Variants in PTPRN2 observed in about 807,000 individuals in gnomAD.
The protein encoded by PTPRN2 is receptor-type tyrosine-protein phosphatase N2.
PTPRN2 carries 74 observed loss-of-function variants against 118.8 expected under a neutral mutation model. The observed-to-expected ratio is 0.62, with a 90% CI of 0.52 to 0.76. The LOEUF (loss-of-function observed/expected upper bound fraction) is 0.76, where lower values mean the gene tolerates loss of function less well. Among genes scored for constraint, PTPRN2 ranks in the 30% least tolerant of loss-of-function variants. The pLI is 0.00. For missense variants in PTPRN2, 1,481 were observed against 1,394.4 expected (o/e 1.06, Z -0.99); for synonymous variants, 641 against 608.0 (o/e 1.05, Z -0.80).
At chr7:157,718,986 C>T (rs1399747686) in intron 12 of PTPRN2, among the ~76,000 whole-genome samples, 1 of 141,784 alleles carries the variant, frequency 7.1e-6, no homozygotes, top group East Asian at 2.1e-4. Flanking sequence ...TCTTGGGCAG[C>T]CATCTTCTGG....
chr7:158,541,784 AGAG>A lies in PTPRN2; in HGVS notation c.112+45771_112+45773del, dbSNP rs145803037. ...GCGGACGCATAAAAGGGGAAGTATC[AGAG>A]GAGAAGGGGCCAAGGCCGCTGGGGA... On this transcript the variant is annotated intron_variant, in intron 1 of 22. Coordinates refer to ENST00000389418, the MANE Select transcript of PTPRN2 (RefSeq NM_002847.5). 1,062 of 979,674 alleles carry A rather than the reference AGAG, an allele frequency of 1.1e-3. 8 individuals carry two copies. The East Asian group carries it at 0.023, about 22-fold the overall frequency. The allele number at this position is 979,674 out of a possible 1,614,324, so 60.7% of individuals were successfully genotyped here. A position where few individuals can be genotyped will look rare whatever the true frequency, so the allele number is the denominator to read the frequency against.
Position 158,587,700 on chromosome 7 carries a change from A to T in PTPRN2, c.-31T>A. Reference sequence around the variant, plus strand: ...CGGCCTGGCCGGCGGCGCTCAGTCCATGGCCGCGCGGGAGGCGGCGGGAGG... The same window carrying T: ...CGGCCTGGCCGGCGGCGCTCAGTCCTTGGCCGCGCGGGAGGCGGCGGGAGG... On this transcript the variant is annotated 5_prime_UTR_variant, in exon 1 of 23. The change abolishes an upstream ATG in the 5' untranslated region. Transcript: ENST00000389418. 2.5e-6 allele frequency: 3 copies of T among 1,179,896 alleles called. No homozygotes were observed. The highest frequency in any genetic ancestry group is 3.1e-6 in the Non-Finnish European group (3 of 955,868). 73.1% of individuals were successfully genotyped at this position (1,179,896 alleles called of 1,614,324 possible). A position where few individuals can be genotyped will look rare whatever the true frequency, so the allele number is the denominator to read the frequency against.
chr7:158,262,634 GCAAA>G lies in PTPRN2; in HGVS notation c.277+54181_277+54184del, dbSNP rs553379640. 1.6e-3 allele frequency among the ~76,000 whole-genome samples: 213 copies of G among 130,794 alleles called. 2 individuals carry two copies. The highest frequency in any genetic ancestry group is 2.9e-3 in the African/African-American group (96 of 33,302). 85.8% of individuals were successfully genotyped at this position (130,794 alleles called of 152,430 possible). On this transcript the variant is annotated intron_variant, in intron 3 of 22. Transcript: ENST00000389418. ...CTGCACACACACATACATTCACACT[GCAAA>G]CATTCACTGCACACACTGACACACT...
At chr7:158,180,749 T>C (rs192142594) in intron 5 of PTPRN2, among the ~76,000 whole-genome samples, 19 of 152,304 alleles carry the variant, frequency 1.2e-4, no homozygotes, top group Non-Finnish European at 1.8e-4. Context: ...AGCTTGGTCA[T>C]TGTTGGTATA....
intron 12 of PTPRN2, among the ~76,000 whole-genome samples, chr7:157,777,850 A>G (rs1372424925): frequency 6.6e-6 from 1 of 152,218 alleles, no homozygotes; most frequent in Non-Finnish European, 1.5e-5. Flanking sequence ...ATCCACCAGA[A>G]TAAGATGTCT....
intron 22 of PTPRN2, among the ~76,000 whole-genome samples, chr7:157,544,118 G>A (rs1051211748): frequency 1.6e-4 from 25 of 151,926 alleles, no homozygotes; most frequent in African/African-American, 5.8e-4. Context: ...GGTGGAGAGA[G>A]ATGGAGAGAG....
intron 2 of PTPRN2, among the ~76,000 whole-genome samples, chr7:158,387,468 G>A (rs966930455): frequency 7.9e-5 from 12 of 152,302 alleles, no homozygotes; most frequent in Non-Finnish European, 1.8e-4. Flanking sequence ...TAAGACGGTA[G>A]CCAAGGGCGC....
At chr7:157,694,512 G>A (rs1230472395) in intron 12 of PTPRN2, among the ~76,000 whole-genome samples, 1 of 152,220 alleles carries the variant, frequency 6.6e-6, no homozygotes, top group African/African-American at 2.4e-5. Flanking sequence ...AAGCCCTAGA[G>A]TCTAGGGGGG....
intron 11 of PTPRN2, among the ~76,000 whole-genome samples, chr7:158,023,303 A>C (rs1039462136): frequency 1.3e-5 from 2 of 152,120 alleles, no homozygotes; most frequent in Non-Finnish European, 2.9e-5. Flanking sequence ...CAGCTCTCTC[A>C]GACCCCAGGT....
At chr7:158,330,306 G>A (rs1436649560) in intron 2 of PTPRN2, among the ~76,000 whole-genome samples, 11 of 57,336 alleles carry the variant, frequency 1.9e-4, no homozygotes, top group African/African-American at 3.2e-4. Context: ...CACCATAAGA[G>A]CTGACACCCG....
At chr7:158,130,946 CTG>C (rs1818178500) in intron 9 of PTPRN2, among the ~76,000 whole-genome samples, 1 of 139,552 alleles carries the variant, frequency 7.2e-6, no homozygotes, top group African/African-American at 2.7e-5. Context: ...TATGCACAAA[CTG>C]ACACATCTAC....
At chr7:158,539,781 G>A in intron 1 of PTPRN2, 2 of 255,596 alleles carry the variant, frequency 7.8e-6, no homozygotes, top group South Asian at 3.5e-5. Context: ...CTGTGAGCCT[G>A]GAGCTGGTGA....
At chr7:157,562,297 C>T (rs1348713712) in intron 21 of PTPRN2, among the ~76,000 whole-genome samples, 1 of 152,124 alleles carries the variant, frequency 6.6e-6, no homozygotes, top group African/African-American at 2.4e-5. Context: ...GAGACCAGCA[C>T]ACGAGGGGTG....
At chr7:157,613,330 C>T (rs1008235985) in intron 15 of PTPRN2, among the ~76,000 whole-genome samples, 19 of 152,264 alleles carry the variant, frequency 1.2e-4, no homozygotes, top group African/African-American at 4.6e-4. Context: ...AGACACAAAA[C>T]CAACAGTTCC....
intron 3 of PTPRN2, among the ~76,000 whole-genome samples, chr7:158,241,961 G>A (rs757629261): frequency 2.6e-5 from 4 of 152,164 alleles, no homozygotes; most frequent in Admixed American, 6.5e-5. Context: ...CAGCACAGTC[G>A]CAAACCGAGG....
chr7:158,532,811 C>T (rs4909237), intron 1 of PTPRN2: 93,417 of 534,420 alleles, frequency 0.17, 9,953 homozygotes, highest in Admixed American at 0.3. Flanking sequence ...TGCAGGCTTC[C>T]GTGCAGGAGC....
intron 12 of PTPRN2, among the ~76,000 whole-genome samples, chr7:157,699,620 G>T (rs1797970851): frequency 6.6e-6 from 1 of 152,196 alleles, no homozygotes; most frequent in Non-Finnish European, 1.5e-5. Context: ...TAAAGACAGG[G>T]TTTTGCCATC....
Position 158,516,605 on chromosome 7 carries a change from G to C in PTPRN2, c.113-26820C>G, listed in dbSNP as rs113346580. On this transcript the variant is annotated intron_variant, in intron 1 of 22. Transcript: ENST00000389418. ...GCCTATTGTTCTTCGTGCTGTTCTT[G>C]GTGCTCCTGCCTATTGTTCCTGGTG... 2.5e-3 allele frequency among the ~76,000 whole-genome samples: 386 copies of C among 151,794 alleles called. 3 individuals are homozygous for C. Among genetic ancestry groups the C allele is most frequent in the African/African-American group, 8.8e-3 (363 of 41,388 alleles).
chr7:158,408,164 CG>C (rs1427791855), intron 2 of PTPRN2, among the ~76,000 whole-genome samples: 1 of 152,158 alleles, frequency 6.6e-6, no homozygotes. Context: ...GAGAAACACA[CG>C]AGATCCTGTG....
Sources: allele counts gnomAD v4.1 joint callset (sites outside exome capture counted in the v4.1 genomes callset), GRCh38; gene constraint gnomAD v4.1.1; transcripts MANE v1.5; gene names NCBI Gene and HGNC (gene_info 2026-07-23, HGNC 2026-07-21).